SSPN: variants seen among roughly 807,000 people sequenced by gnomAD.
SSPN encodes the protein sarcospan, also known as K-ras oncogene-associated protein.
SSPN carries 15 observed loss-of-function variants against 19.1 expected under a neutral mutation model. That is an observed-to-expected ratio of 0.78 (90% CI 0.52 to 1.21). The LOEUF (loss-of-function observed/expected upper bound fraction) is 1.21. Ranked by LOEUF, SSPN falls within the 50% of genes most tolerant of loss-of-function variation. The pLI is 0.00. For synonymous variants in SSPN, 147 were observed against 140.3 expected (o/e 1.05, Z -0.34); for missense variants, 291 against 314.0 (o/e 0.93, Z 0.55).
At chr12:26,137,343 C>T (rs1207963746) in intron 1 of SSPN, among the ~76,000 whole-genome samples, 1 of 152,092 alleles carries the variant, frequency 6.6e-6, no homozygotes, top group Non-Finnish European at 1.5e-5. Context: ...TTTCTATTTA[C>T]CTCCATGATT....
At chr12:26,223,447 T>G (rs1419835782) in intron 1 of SSPN, among the ~76,000 whole-genome samples, 1 of 152,256 alleles carries the variant, frequency 6.6e-6, no homozygotes, top group Non-Finnish European at 1.5e-5. Flanking sequence ...TGACCTCAGG[T>G]GATCCACCCG....
intron 1 of SSPN, among the ~76,000 whole-genome samples, chr12:26,134,190 T>C (rs1944412681): frequency 6.6e-6 from 1 of 152,232 alleles, no homozygotes; most frequent in South Asian, 2.1e-4. Flanking sequence ...AAAATATTTT[T>C]TAATGTACCC....
chr12:26,181,714 T>C (rs1012581269), intron 1 of SSPN, among the ~76,000 whole-genome samples: 1 of 152,212 alleles, frequency 6.6e-6, no homozygotes, highest in East Asian at 1.9e-4. Flanking sequence ...GTGAGATAAA[T>C]CGACTGACAG....
upstream of SSPN, among the ~76,000 whole-genome samples, chr12:26,191,353 G>A (rs1944786378): frequency 6.6e-6 from 1 of 152,176 alleles, no homozygotes; most frequent in Admixed American, 6.5e-5. Flanking sequence ...AGGTATGGTG[G>A]CATGTGCCTA....
At position 26,233,504 on chromosome 12, in the gene SSPN, G is replaced by C. The variant is rs987382762; in HGVS notation, c.*2428G>C. The C allele has an allele frequency of 2.6e-5, 4 of 152,214 alleles. No homozygotes were observed. In the East Asian group the frequency reaches 7.7e-4, roughly 29 times the overall value. The allele number at this position is 152,214 out of a possible 1,614,324, so 9.4% of individuals were successfully genotyped here. A position where few individuals can be genotyped will look rare whatever the true frequency, so the allele number is the denominator to read the frequency against. On this transcript the variant is annotated 3_prime_UTR_variant, in exon 3 of 3. Transcript: ENST00000242729. The surrounding 1 kb of genome is among the most constrained non-coding windows in gnomAD (Gnocchi z 4.3). The stretch of plus-strand genomic sequence containing the variant: ...AAAGAAAGAAAGAAAAGATCCCTTT[G>C]CTATGAGCTCGCTGTATATTGATAA...
chr12:26,210,050 T>A (rs890004544), intron 1 of SSPN, among the ~76,000 whole-genome samples: 1 of 152,024 alleles, frequency 6.6e-6, no homozygotes, highest in Non-Finnish European at 1.5e-5. Context: ...TTACTTATTA[T>A]GAAAAATTTC....
chr12:26,171,981 G>A (rs1208234530), intron 1 of SSPN, among the ~76,000 whole-genome samples: 4 of 152,202 alleles, frequency 2.6e-5, no homozygotes, highest in Non-Finnish European at 5.9e-5. Context: ...GCAGTGAGAG[G>A]ATAGTAGCAC....
At chr12:26,182,461 A>G (rs565352646) in intron 1 of SSPN, among the ~76,000 whole-genome samples, 20 of 152,292 alleles carry the variant, frequency 1.3e-4, no homozygotes, top group African/African-American at 4.6e-4. Context: ...AAATGTTTTG[A>G]GCGACTATAG....
At chr12:26,153,374 G>A (rs1008769411) in intron 1 of SSPN, among the ~76,000 whole-genome samples, 1 of 151,726 alleles carries the variant, frequency 6.6e-6, no homozygotes, top group Non-Finnish European at 1.5e-5. Flanking sequence ...CATTATTATT[G>A]GAGTATTCAA....
At chr12:26,143,092 T>C (rs976465561) in intron 1 of SSPN, among the ~76,000 whole-genome samples, 1 of 152,244 alleles carries the variant, frequency 6.6e-6, no homozygotes, top group Non-Finnish European at 1.5e-5. Flanking sequence ...CAGTAGGATA[T>C]CATACACATA....
chr12:26,125,245 C>G (rs527431617), intron 1 of SSPN: 1 of 231,958 alleles, frequency 4.3e-6, no homozygotes, highest in Non-Finnish European at 8.4e-6. Flanking sequence ...TTCGGCCAAG[C>G]TATTCATCTT....
intron 1 of SSPN, among the ~76,000 whole-genome samples, chr12:26,147,573 G>A (rs573947665): frequency 1.3e-5 from 2 of 152,204 alleles, no homozygotes; most frequent in Admixed American, 6.5e-5. Context: ...GCCCAGCCCA[G>A]CAATAATATT....
intron 1 of SSPN, among the ~76,000 whole-genome samples, chr12:26,126,796 G>C (rs74074409): frequency 0.032 from 4,799 of 152,336 alleles, 261 homozygotes; most frequent in African/African-American, 0.11. Context: ...TGTTTAGAGG[G>C]CCTTTTAAGG....
At position 26,200,071 on chromosome 12, in the gene SSPN, C is replaced by A. The variant is rs560633053; in HGVS notation, c.279+4120C>A. ...GTGAATATGTTTAGTATTCGATATT[C>A]TCCTGGCCCTTGTAGGGAATATTCC... On this transcript the variant is annotated intron_variant, in intron 1 of 2. Coordinates refer to ENST00000242729, the MANE Select transcript of SSPN (RefSeq NM_005086.5). 1.1e-4 allele frequency among the ~76,000 whole-genome samples: 16 copies of A among 152,328 alleles called. No homozygotes were observed. In the South Asian group the frequency reaches 3.3e-3, roughly 32 times the overall value.
chr12:26,159,117 G>A (rs1944572755), intron 1 of SSPN, among the ~76,000 whole-genome samples: 1 of 152,232 alleles, frequency 6.6e-6, no homozygotes, highest in Non-Finnish European at 1.5e-5. Flanking sequence ...GCCCTGGCCA[G>A]GCTGGATGGG....
intron 1 of SSPN, among the ~76,000 whole-genome samples, chr12:26,205,200 TGGTGAGAAA>T (rs1944920659): frequency 1.3e-5 from 2 of 152,110 alleles, no homozygotes; most frequent in Non-Finnish European, 2.9e-5. Flanking sequence ...CTGAGAGAGG[TGGTGAGAAA>T]CCTGGAGGAA....
intron 1 of SSPN, among the ~76,000 whole-genome samples, chr12:26,135,754 G>A (rs1317548345): frequency 2.6e-5 from 4 of 152,166 alleles, no homozygotes; most frequent in African/African-American, 4.8e-5. Context: ...ATATAGCCCC[G>A]GTGACCACAA....
chr12:26,172,274 A>G (rs1231630599), intron 1 of SSPN, among the ~76,000 whole-genome samples: 1 of 152,198 alleles, frequency 6.6e-6, no homozygotes, highest in African/African-American at 2.4e-5. Flanking sequence ...ATTCAAGCAT[A>G]TGGTAAAAAT....
intron 1 of SSPN, among the ~76,000 whole-genome samples, chr12:26,154,793 G>C (rs1944546102): frequency 6.6e-6 from 1 of 152,060 alleles, no homozygotes; most frequent in Non-Finnish European, 1.5e-5. Flanking sequence ...CAGATTAAGG[G>C]GCAGAGAGGT....
Sources: gnomAD v4.1 joint callset for allele counts (sites outside exome capture counted in the v4.1 genomes callset) on GRCh38, gnomAD v4.1.1 for gene constraint, Gnocchi (gnomAD v3.1) non-coding constraint, MANE v1.5 for transcripts, NCBI Gene and HGNC (gene_info 2026-07-23, HGNC 2026-07-21) for gene names.